Variants in NAE1 observed in about 807,000 individuals in gnomAD.
NAE1 encodes NEDD8-activating enzyme E1 regulatory subunit.
NAE1 carries 59 observed loss-of-function variants against 88.0 expected under a neutral mutation model. That is an observed-to-expected ratio of 0.67 (90% CI 0.54 to 0.83). NAE1 has a LOEUF of 0.83. Among genes scored for constraint, NAE1 ranks in the 40% least tolerant of loss-of-function variants. The pLI, the probability that NAE1 is intolerant of heterozygous loss-of-function variation, is 0.00. For synonymous variants in NAE1, 186 were observed against 208.9 expected (o/e 0.89, Z 0.95); for missense variants, 554 against 632.8 (o/e 0.88, Z 1.34).
At chr16:66,818,330 T>C (rs191256843) in intron 8 of NAE1, among the ~76,000 whole-genome samples, 198 bp downstream of exon 8, 2 of 152,350 alleles carry the variant, frequency 1.3e-5, no homozygotes, top group Admixed American at 1.3e-4. Context: ...ATATGTACTT[T>C]TCTTCAGTAA....
chr16:66,822,583 A>T (rs1055682028), intron 6 of NAE1, among the ~76,000 whole-genome samples: 2 of 148,492 alleles, frequency 1.3e-5, no homozygotes, highest in East Asian at 1.9e-4. Context: ...GAATAATAAT[A>T]AAAAAAAAAG....
intron 6 of NAE1, among the ~76,000 whole-genome samples, chr16:66,822,020 C>T: frequency 6.6e-6 from 1 of 152,156 alleles, no homozygotes. Flanking sequence ...CAAGCAGGCA[C>T]ACCATCTGGC....
chr16:66,803,882 C>T (rs769603882), intron 19 of NAE1, among the ~76,000 whole-genome samples: 14 of 152,036 alleles, frequency 9.2e-5, no homozygotes, highest in Non-Finnish European at 1.0e-4. Context: ...CATTAGCCAC[C>T]GCGCTCAGCC....
Position 66,818,537 on chromosome 16 carries a change from C to A in NAE1, c.612G>T (p.Met204Ile). 1 of 1,602,800 alleles carries A rather than the reference C, an allele frequency of 6.2e-7. No individual in the cohort carries two copies. The highest frequency in any genetic ancestry group is 8.5e-7 in the Non-Finnish European group (1 of 1,176,472). ...EHFQSYDLDH[M>I]EKKDHSHTPW... ...CACACACACTACCAACCTTTTTTTC[C>A]ATATGATCCAAATCATAGGACTGAA... The change falls in exon 8 of 20, where the codon ATG (methionine) becomes ATT (isoleucine). Residue 204 changes from methionine (M) to isoleucine (I), a missense_variant. By Grantham distance (10) the Met-to-Ile change is conservative (BLOSUM62 1). Coordinates refer to ENST00000290810, the MANE Select transcript of NAE1 (RefSeq NM_003905.4).
intron 14 of NAE1, 84 bp from the exon 15 acceptor site, chr16:66,810,497 A>G (rs1449230391): frequency 2.3e-6 from 3 of 1,285,016 alleles, no homozygotes; most frequent in East Asian, 4.6e-5. Flanking sequence ...TCACTGTGAG[A>G]TGGGAAGGCT....
At chr16:66,823,659 C>A (rs939795756) in intron 4 of NAE1, 59 bp from the exon 5 acceptor site, 2 of 1,371,348 alleles carry the variant, frequency 1.5e-6, no homozygotes, top group Non-Finnish European at 1.0e-6. Context: ...AATATAATCC[C>A]CCAATTTATG....
intron 1 of NAE1, among the ~76,000 whole-genome samples, chr16:66,829,539 C>T (rs1024156112): frequency 6.6e-6 from 1 of 152,206 alleles, no homozygotes; most frequent in Non-Finnish European, 1.5e-5. Context: ...ACTCTCAGAA[C>T]TAAGTGCCTA....
chr16:66,827,714 G>T (rs1960523202), intron 1 of NAE1: 3 of 423,120 alleles, frequency 7.1e-6, no homozygotes, highest in Non-Finnish European at 1.3e-5. Context: ...AACTTCTACA[G>T]GAGTGCTTTA....
chr16:66,810,895 G>A (rs951284811), intron 13 of NAE1, 123 bp from the exon 14 acceptor site: 88 of 777,214 alleles, frequency 1.1e-4, no homozygotes, highest in African/African-American at 9.0e-4. Context: ...TGTATGAAAT[G>A]TGAAAATGCC....
At position 66,805,686 on chromosome 16, in the gene NAE1, C is replaced by T; in HGVS notation, c.1495+91G>A. ...ATAACATCCTGCTTCACTGACCTCC[C>T]TAATTAAAATAGCTAGACGACAAAA... On this transcript the variant is annotated intron_variant, in intron 19 of 19. Coordinates refer to ENST00000290810, the MANE Select transcript of NAE1 (RefSeq NM_003905.4). 5 of 1,068,402 alleles carry T rather than the reference C, an allele frequency of 4.7e-6. No homozygotes were observed. The South Asian group carries it at 1.7e-4, about 36-fold the overall frequency. 66.2% of individuals were successfully genotyped at this position (1,068,402 alleles called of 1,614,324 possible).
intron 15 of NAE1, among the ~76,000 whole-genome samples, chr16:66,809,720 G>A (rs1422679643): frequency 6.6e-6 from 1 of 152,122 alleles, no homozygotes; most frequent in Non-Finnish European, 1.5e-5. Context: ...CAGACATTGT[G>A]GAGAAGTCAT....
intron 9 of NAE1, 122 bp downstream of exon 9, chr16:66,817,303 T>C (rs1199710313): frequency 1.0e-5 from 9 of 893,520 alleles, no homozygotes; most frequent in Non-Finnish European, 1.4e-5. Flanking sequence ...AAAGCATCCA[T>C]TTGCCCTACC....
intron 3 of NAE1, chr16:66,825,995 CTGT>C (rs1320018516): frequency 6.5e-6 from 1 of 154,294 alleles, no homozygotes; most frequent in Non-Finnish European, 1.4e-5. Context: ...TATTTACTCA[CTGT>C]TGTTGTTACT....
chr16:66,818,791 C>T (rs1960150167), intron 7 of NAE1, among the ~76,000 whole-genome samples, 154 bp from the exon 8 acceptor site: 1 of 152,108 alleles, frequency 6.6e-6, no homozygotes. Flanking sequence ...CCACCTCAGC[C>T]TCCTGAGAAG....
At chr16:66,812,886 G>C (rs551428561) in intron 13 of NAE1, among the ~76,000 whole-genome samples, 4 of 147,156 alleles carry the variant, frequency 2.7e-5, no homozygotes, top group South Asian at 4.3e-4. Context: ...GCAGTGGTGC[G>C]ATCTCCGCTC....
rs902428096 is a variant in NAE1 at position 66,809,074 on chromosome 16, G to C, written c.1152C>G (p.Cys384Trp). The change falls in exon 16 of 20, where the codon TGC becomes TGG. Residue 384 changes from cysteine to tryptophan, a missense_variant and splice_region_variant. Transcript: ENST00000290810. ...CCACTCGAAGAAATGCAGAATTGCT[G>C]CCTGAACAGAGGAAAGATATTCTGG... is the stretch of plus-strand genomic sequence containing the variant. Reference protein sequence around the residue: ...SISEKELKLLCSNSAFLRVVR... With the variant: ...SISEKELKLLWSNSAFLRVVR... 3.1e-6 allele frequency: 5 copies of C among 1,608,700 alleles called. No homozygotes were observed. Among genetic ancestry groups the C allele is most frequent in the Non-Finnish European group, 4.3e-6 (5 of 1,176,392 alleles).
At chr16:66,824,027 G>A (rs973796061) in intron 4 of NAE1, among the ~76,000 whole-genome samples, 8 of 152,196 alleles carry the variant, frequency 5.3e-5, no homozygotes, top group African/African-American at 1.9e-4. Context: ...GTGAGCCACT[G>A]CTCCCAGCCA....
chr16:66,813,455 G>T, intron 13 of NAE1, 109 bp downstream of exon 13: 1 of 1,307,308 alleles, frequency 7.6e-7, no homozygotes, highest in Non-Finnish European at 1.0e-6. Flanking sequence ...TTATTTATAA[G>T]CAATGAGGTT....
chr16:66,803,154 G>C (rs1473142037), intron 19 of NAE1, 36 bp from the exon 20 acceptor site: 1 of 1,385,744 alleles, frequency 7.2e-7, no homozygotes, highest in Non-Finnish European at 1.0e-6. Flanking sequence ...ATCTTTGAAA[G>C]AGTAAACTTC....
Sources: allele counts gnomAD v4.1 joint callset (sites outside exome capture counted in the v4.1 genomes callset), GRCh38; gene constraint gnomAD v4.1.1; transcripts MANE v1.5; gene names NCBI Gene and HGNC (gene_info 2026-07-23, HGNC 2026-07-21).